Variants in DPP6 observed in about 807,000 individuals in gnomAD.
DPP6 encodes the protein A-type potassium channel modulatory protein DPP6.
In DPP6, 69 loss-of-function variants were observed where a neutral mutation model predicts 122.6. The ratio of observed to expected loss-of-function variants is 0.56; its 90% CI spans 0.46 to 0.69. DPP6 has a LOEUF of 0.69. Ranked by LOEUF, DPP6 falls within the 30% of genes least tolerant of loss-of-function variation. DPP6 has a pLI of 0.00. For missense variants in DPP6, 928 were observed against 1,116.9 expected, an observed-to-expected ratio of 0.83 and a Z score of 2.41; for synonymous variants, 418 against 433.1, an observed-to-expected ratio of 0.97 and a Z score of 0.43.
At chr7:154,231,842 T>A (rs985475698) in intron 1 of DPP6, among the ~76,000 whole-genome samples, 1 of 152,312 alleles carries the variant, frequency 6.6e-6, no homozygotes, top group African/African-American at 2.4e-5. Context: ...CAGCAGTGTA[T>A]TGATGATTTT....
At chr7:154,216,961 G>T (rs943581651) in intron 1 of DPP6, among the ~76,000 whole-genome samples, 1 of 148,476 alleles carries the variant, frequency 6.7e-6, no homozygotes, top group South Asian at 2.1e-4. Context: ...GAAACAACTA[G>T]AAATATGAGA....
chr7:154,519,408 G>A (rs1211777939), intron 3 of DPP6, among the ~76,000 whole-genome samples: 1 of 152,182 alleles, frequency 6.6e-6, no homozygotes, highest in South Asian at 2.1e-4. Flanking sequence ...ACCAGGAGAC[G>A]TCTGCCTTTG....
chr7:154,541,386 T>C (rs1319897338), intron 4 of DPP6, among the ~76,000 whole-genome samples: 2 of 152,186 alleles, frequency 1.3e-5, no homozygotes, highest in South Asian at 2.1e-4. Flanking sequence ...CCTCCTGCTT[T>C]GGCCTCCCAA....
At position 154,514,891 on chromosome 7, in the gene DPP6, T is replaced by G. The variant is rs535769002; in HGVS notation, c.458-25641T>G. ...TTCGAGTCTCTGTTTTCACTTCTTT[T>G]AAGTCTATGCCTAGCAGTGGAATTG... On this transcript the variant is annotated intron_variant, in intron 3 of 25. Coordinates refer to ENST00000377770, the MANE Select transcript of DPP6 (RefSeq NM_130797.4). Among the ~76,000 whole-genome samples the G allele has an allele frequency of 1.1e-4, 17 of 152,360 alleles. No homozygotes were observed. In the South Asian group the frequency reaches 3.5e-3, roughly 32 times the overall value.
Position 154,755,770 on chromosome 7 carries a change from G to T in DPP6, c.884-13647G>T, listed in dbSNP as rs570633377. ...AAATCTTGATAGGAAGAAGGAAAAG[G>T]TCAGGATGTTGCCGAGCCCTTGGGT... is the stretch of plus-strand genomic sequence containing the variant. On this transcript the variant is annotated intron_variant, in intron 8 of 25. Transcript: ENST00000377770. The surrounding 1 kb of genome is among the most constrained non-coding windows in gnomAD (Gnocchi z 4.7). Among the ~76,000 whole-genome samples the T allele has an allele frequency of 1.3e-5, 2 of 152,224 alleles. No individual in the cohort carries two copies. The highest frequency in any genetic ancestry group is 2.9e-5 in the Non-Finnish European group (2 of 68,040).
chr7:154,120,854 A>G (rs1490728481), intron 1 of DPP6, among the ~76,000 whole-genome samples: 5 of 152,180 alleles, frequency 3.3e-5, no homozygotes, highest in Non-Finnish European at 5.9e-5. Context: ...ATCTTGTCAA[A>G]GAATCAACTT....
intron 1 of DPP6, among the ~76,000 whole-genome samples, chr7:154,321,218 A>G (rs922893452): frequency 1.4e-4 from 22 of 151,884 alleles, no homozygotes; most frequent in African/African-American, 4.6e-4. Flanking sequence ...TCGAGGCTGC[A>G]GTGAGCTGTG....
intron 20 of DPP6, among the ~76,000 whole-genome samples, chr7:154,878,088 C>G (rs1805043958): frequency 6.6e-6 from 1 of 152,196 alleles, no homozygotes; most frequent in African/African-American, 2.4e-5. Flanking sequence ...CCTGCCATCT[C>G]CTGCTCTTTC....
intron 1 of DPP6, among the ~76,000 whole-genome samples, chr7:154,012,495 T>G (rs974268723): frequency 2.0e-4 from 31 of 152,272 alleles, no homozygotes; most frequent in African/African-American, 6.7e-4. Flanking sequence ...AAAACTTTTG[T>G]GCATCAAACA....
At chr7:154,192,172 A>G (rs1585594370) in intron 1 of DPP6, among the ~76,000 whole-genome samples, 1 of 152,340 alleles carries the variant, frequency 6.6e-6, no homozygotes, top group East Asian at 1.9e-4. Flanking sequence ...TTTAAGATGA[A>G]ACAAGGTCTC....
At chr7:154,357,994 C>T (rs1389128936) in intron 1 of DPP6, among the ~76,000 whole-genome samples, 1 of 151,898 alleles carries the variant, frequency 6.6e-6, no homozygotes, top group Non-Finnish European at 1.5e-5. Flanking sequence ...GAAGTGCTCC[C>T]TTGTTACTCT....
At chr7:154,166,554 G>A (rs1429409725) in intron 1 of DPP6, among the ~76,000 whole-genome samples, 1 of 151,126 alleles carries the variant, frequency 6.6e-6, no homozygotes, top group Non-Finnish European at 1.5e-5. Context: ...ACAGACCCAG[G>A]GCACCCTCCC....
the DPP6 span, among the ~76,000 whole-genome samples, chr7:153,753,210 T>C: frequency 6.6e-6 from 1 of 151,396 alleles, no homozygotes. Context: ...ATGGGTTCTT[T>C]TATATTTATC....
chr7:154,701,706 A>C (rs1398758602), intron 7 of DPP6, among the ~76,000 whole-genome samples: 1 of 152,182 alleles, frequency 6.6e-6, no homozygotes, highest in African/African-American at 2.4e-5. Flanking sequence ...AGGTTCATAA[A>C]TCTCCAGACT....
At chr7:154,141,040 G>C (rs897082720) in intron 1 of DPP6, among the ~76,000 whole-genome samples, 3 of 152,120 alleles carry the variant, frequency 2.0e-5, no homozygotes, top group African/African-American at 4.8e-5. Flanking sequence ...GAGAAGCTGA[G>C]TCTGCTTACC....
At chr7:154,458,723 G>T (rs1821019945) in intron 2 of DPP6, among the ~76,000 whole-genome samples, 1 of 152,192 alleles carries the variant, frequency 6.6e-6, no homozygotes, top group Non-Finnish European at 1.5e-5. Context: ...GCAAAAGAAT[G>T]CACTTGTGGA....
Position 154,540,540 on chromosome 7 carries a change from T to C in DPP6, c.466T>C (p.Phe156Leu), listed in dbSNP as rs772559928. 2 of 1,602,886 alleles carry C rather than the reference T, an allele frequency of 1.2e-6. No individual in the cohort carries two copies. Among genetic ancestry groups the C allele is most frequent in the Non-Finnish European group, 1.7e-6 (2 of 1,171,828 alleles). The change falls in exon 4 of 26, where the codon TTC becomes CTC. Residue 156 changes from phenylalanine to leucine, a missense_variant. Coordinates refer to ENST00000377770, the MANE Select transcript of DPP6 (RefSeq NM_130797.4). ...PEAKWISDTE[F>L]IYREQKGTVR... Reference sequence around the variant, plus strand: ...TACTTCCTCTCTTACAGATACAGAATTCATCTACAGAGAACAGAAAGGAAC... The same window carrying C: ...TACTTCCTCTCTTACAGATACAGAACTCATCTACAGAGAACAGAAAGGAAC...
At chr7:153,833,492 G>A in the DPP6 span, among the ~76,000 whole-genome samples, 1 of 152,140 alleles carries the variant, frequency 6.6e-6, no homozygotes, top group African/African-American at 2.4e-5. Flanking sequence ...TGGCCAACAT[G>A]GCAAAACCCC....
At chr7:154,490,764 C>T (rs765522805) in intron 3 of DPP6, among the ~76,000 whole-genome samples, 5 of 152,118 alleles carry the variant, frequency 3.3e-5, no homozygotes, top group Non-Finnish European at 2.9e-5. Flanking sequence ...TGGGAATTGC[C>T]GAGTTCTGAG....
Sources: gnomAD v4.1 joint callset for allele counts (sites outside exome capture counted in the v4.1 genomes callset) on GRCh38, gnomAD v4.1.1 for gene constraint, Gnocchi (gnomAD v3.1) non-coding constraint, MANE v1.5 for transcripts, NCBI Gene and HGNC (gene_info 2026-07-23, HGNC 2026-07-21) for gene names.